Variants in TK2 observed in about 807,000 individuals in gnomAD.
TK2 encodes thymidine kinase 2.
Under a neutral mutation model 41.9 loss-of-function variants are expected in TK2, and 35 were observed. The observed-to-expected ratio is 0.84, with a 90% CI of 0.64 to 1.11. TK2 has a LOEUF of 1.11. Among genes scored for constraint, TK2 ranks in the 50% least tolerant of loss-of-function variants. TK2 has a pLI of 0.00. For synonymous variants in TK2, 128 were observed against 129.1 expected, an observed-to-expected ratio of 0.99 and a Z score of 0.06; for missense variants, 320 against 351.1, an observed-to-expected ratio of 0.91 and a Z score of 0.71.
chr16:66,539,196 C>G (rs957943289), intron 3 of TK2, among the ~76,000 whole-genome samples: 3 of 152,112 alleles, frequency 2.0e-5, no homozygotes, highest in African/African-American at 4.8e-5. Context: ...TCAAGAGTCC[C>G]CAAGCCCCCC....
chr16:66,516,620 G>A (rs1733190099), intron 8 of TK2, among the ~76,000 whole-genome samples: 1 of 152,180 alleles, frequency 6.6e-6, no homozygotes, highest in Non-Finnish European at 1.5e-5. Flanking sequence ...GAGTCCCCAT[G>A]AGAGTCAGTG....
At chr16:66,549,315 A>C (rs1053966442) in intron 1 of TK2, 3 of 1,189,738 alleles carry the variant, frequency 2.5e-6, no homozygotes, top group Non-Finnish European at 3.1e-6. Flanking sequence ...GCAAGTGGAA[A>C]GGCAGAACAG....
chr16:66,549,888 T>C (rs751542904), intron 1 of TK2, 50 bp downstream of exon 1: 2 of 1,305,004 alleles, frequency 1.5e-6, no homozygotes, highest in African/African-American at 1.5e-5. Flanking sequence ...GGGCCGGGAG[T>C]AGGTGGGCGC....
chr16:66,547,296 C>T (rs1043589532), intron 2 of TK2, among the ~76,000 whole-genome samples: 1 of 152,152 alleles, frequency 6.6e-6, no homozygotes, highest in Non-Finnish European at 1.5e-5. Flanking sequence ...CTCTCCCCTT[C>T]CAGTCTCACC....
rs1458686377 is a variant in TK2, at chr16:66,549,972, C to T, written c.90G>A (p.Gly30=). ...GSRGSPASGP[G]PRRVQRRAWP... ...AGGCCCGGCGCTGCACCCTCCGCGG[C>T]CCGGGGCCTGAGGCCGGGCTCCCGC... Residue 30 remains glycine, a synonymous_variant, in exon 1 of 10, where the codon GGG becomes GGA. Coordinates refer to ENST00000544898, the MANE Select transcript of TK2 (RefSeq NM_004614.5). 2.0e-6 allele frequency: 3 copies of T among 1,484,606 alleles called. No individual in the cohort carries two copies. Among genetic ancestry groups the T allele is most frequent in the Admixed American group, 2.4e-5 (1 of 41,306 alleles). 92.0% of individuals were successfully genotyped at this position (1,484,606 alleles called of 1,614,324 possible).
chr16:66,527,414 G>C (rs890822963), intron 6 of TK2, among the ~76,000 whole-genome samples: 4 of 152,184 alleles, frequency 2.6e-5, no homozygotes, highest in African/African-American at 7.2e-5. Flanking sequence ...CAAATGAAAG[G>C]TGCAAAACAG....
At chr16:66,549,899 A>G in intron 1 of TK2, 39 bp downstream of exon 1, 1 of 1,335,888 alleles carries the variant, frequency 7.5e-7, no homozygotes, top group Non-Finnish European at 9.5e-7. Flanking sequence ...AGGTGGGCGC[A>G]TAGGGGCTCC....
intron 8 of TK2, among the ~76,000 whole-genome samples, chr16:66,515,201 G>A (rs61258586): frequency 0.042 from 6,196 of 149,216 alleles, 258 homozygotes; most frequent in South Asian, 0.18. Flanking sequence ...ACCCACACCT[G>A]GCTTCTCCCA....
chr16:66,532,900 A>G (rs573535993), intron 4 of TK2, among the ~76,000 whole-genome samples: 74 of 152,006 alleles, frequency 4.9e-4, no homozygotes, highest in African/African-American at 1.7e-3. Context: ...ATATGAAACC[A>G]CAAAAGACCC....
At position 66,541,893 on chromosome 16, in the gene TK2, C is replaced by A. The variant is rs997780363; in HGVS notation, c.217G>T (p.Ala73Ser). 1.9e-6 allele frequency: 3 copies of A among 1,614,126 alleles called. No individual in the cohort carries two copies. ...AGAGGCTGTACCTCGACGTCTGTCG[C>A]GTTGGAGAAGAATTCCAGGCATGTC... ...KTTCLEFFSN[A>S]TDVEVLTEPV... is the part of the protein sequence containing the mutation. The change falls in exon 3 of 10, where the codon GCG (alanine) becomes TCG (serine). Residue 73 changes from alanine (A) to serine (S), a missense_variant. Coordinates refer to ENST00000544898, the MANE Select transcript of TK2 (RefSeq NM_004614.5).
At chr16:66,549,518 C>A (rs1965716196) in intron 1 of TK2, 2 of 1,040,404 alleles carry the variant, frequency 1.9e-6, no homozygotes, top group Admixed American at 1.0e-4. Context: ...TGTGGGTCCC[C>A]ACTCCCAGGG....
intron 1 of TK2, 144 bp from the exon 2 acceptor site, chr16:66,549,153 T>C (rs1024979870): frequency 4.7e-5 from 71 of 1,520,032 alleles, no homozygotes; most frequent in Admixed American, 6.4e-5. Context: ...CCCTCCGAGA[T>C]TGGAGGCGCG....
At chr16:66,546,103 G>C (rs1965599269) in intron 2 of TK2, among the ~76,000 whole-genome samples, 1 of 152,134 alleles carries the variant, frequency 6.6e-6, no homozygotes, top group Non-Finnish European at 1.5e-5. Flanking sequence ...GGTGGTATGT[G>C]CCTGTAGTCC....
At chr16:66,529,670 G>A (rs985860949) in intron 5 of TK2, among the ~76,000 whole-genome samples, 50 of 152,184 alleles carry the variant, frequency 3.3e-4, no homozygotes, top group African/African-American at 1.2e-3. Flanking sequence ...CCTCTGGGAA[G>A]CAAGAGGCGC....
intron 6 of TK2, among the ~76,000 whole-genome samples, chr16:66,523,828 A>C (rs1290031605): frequency 2.0e-5 from 3 of 152,158 alleles, no homozygotes; most frequent in African/African-American, 7.2e-5. Context: ...TTCTGTCTCA[A>C]AATCAAAAAA....
At chr16:66,535,185 G>T (rs1965237137) in intron 4 of TK2, among the ~76,000 whole-genome samples, 1 of 152,198 alleles carries the variant, frequency 6.6e-6, no homozygotes, top group Non-Finnish European at 1.5e-5. Context: ...GTGATGAATT[G>T]AGATTTTTCA....
chr16:66,531,063 G>A (rs570606459), intron 5 of TK2, among the ~76,000 whole-genome samples: 3 of 152,264 alleles, frequency 2.0e-5, no homozygotes, highest in East Asian at 1.9e-4. Flanking sequence ...TGATGCTTCC[G>A]CTGCTGGTCC....
chr16:66,540,173 CTTTTT>C (rs200305417), intron 3 of TK2, among the ~76,000 whole-genome samples: 1 of 130,774 alleles, frequency 7.6e-6, no homozygotes, highest in African/African-American at 2.9e-5. Context: ...TTTCTTTTTT[CTTTTT>C]TTTTTTTTTT....
intron 4 of TK2, among the ~76,000 whole-genome samples, chr16:66,535,981 G>A (rs1326178521): frequency 6.6e-6 from 1 of 152,112 alleles, no homozygotes; most frequent in Non-Finnish European, 1.5e-5. Flanking sequence ...GAGGTGGGTG[G>A]CTCATGAGGG....
Sources: gnomAD v4.1 joint callset for allele counts (sites outside exome capture counted in the v4.1 genomes callset) on GRCh38, gnomAD v4.1.1 for gene constraint, MANE v1.5 for transcripts, NCBI Gene and HGNC (gene_info 2026-07-23, HGNC 2026-07-21) for gene names.